ZPBP: variants seen among roughly 807,000 people sequenced by gnomAD.
The protein encoded by ZPBP is zona pellucida-binding protein 1.
A neutral mutation model predicts 44.8 loss-of-function variants in ZPBP; 26 were observed. That is an observed-to-expected ratio of 0.58 (90% confidence interval 0.43 to 0.81). ZPBP has a LOEUF of 0.81. ZPBP is among the 30% of genes least tolerant of loss of function. ZPBP has a pLI of 0.00. For synonymous variants in ZPBP, 174 were observed against 153.2 expected (o/e 1.14, Z -1.00); for missense variants, 409 against 434.0 (o/e 0.94, Z 0.51).
chr7:49,959,652 A>G (rs984952541), intron 7 of ZPBP, among the ~76,000 whole-genome samples: 3 of 152,226 alleles, frequency 2.0e-5, no homozygotes, highest in African/African-American at 7.2e-5. Flanking sequence ...TATTTAGAAG[A>G]CTAAATATAT....
intron 7 of ZPBP, among the ~76,000 whole-genome samples, chr7:49,953,163 C>T (rs1432132624): frequency 6.6e-6 from 1 of 152,066 alleles, no homozygotes; most frequent in African/African-American, 2.4e-5. Context: ...AGCAAAGTCC[C>T]TCAATTAAGG....
intron 6 of ZPBP, among the ~76,000 whole-genome samples, chr7:49,993,176 G>T (rs1271279470): frequency 6.6e-6 from 1 of 152,046 alleles, no homozygotes; most frequent in African/African-American, 2.4e-5. Flanking sequence ...TCAATTAAAA[G>T]AGGAAAATCT....
intron 6 of ZPBP, among the ~76,000 whole-genome samples, chr7:49,996,727 G>A (rs1379379324): frequency 6.6e-6 from 1 of 152,090 alleles, no homozygotes; most frequent in Non-Finnish European, 1.5e-5. Context: ...ATTTGACCTG[G>A]AACTTTTCTA....
At chr7:49,963,177 TTTA>T (rs1389599024) in intron 7 of ZPBP, among the ~76,000 whole-genome samples, 9 of 151,540 alleles carry the variant, frequency 5.9e-5, no homozygotes, top group African/African-American at 2.2e-4. Flanking sequence ...TTTTTTTAAT[TTTA>T]TTATTATTAT....
At chr7:50,089,208 G>A (rs1183062284) in intron 2 of ZPBP, among the ~76,000 whole-genome samples, 1 of 151,980 alleles carries the variant, frequency 6.6e-6, no homozygotes, top group Non-Finnish European at 1.5e-5. Context: ...CACTTTAAAG[G>A]AAGAATTTTA....
chr7:49,885,431 G>A (rs1229602087), intron 2 of ZPBP, among the ~76,000 whole-genome samples: 1 of 151,628 alleles, frequency 6.6e-6, no homozygotes, highest in Admixed American at 6.6e-5. Context: ...AAGAAAATAT[G>A]GGAAAATTGC....
At chr7:50,021,899 C>A (rs1268828382) in intron 5 of ZPBP, among the ~76,000 whole-genome samples, 1 of 151,960 alleles carries the variant, frequency 6.6e-6, no homozygotes, top group Non-Finnish European at 1.5e-5. Context: ...AAATGGGCAA[C>A]CATTTTTTAA....
At chr7:50,044,306 A>C (rs1274096531) in intron 4 of ZPBP, among the ~76,000 whole-genome samples, 1 of 152,072 alleles carries the variant, frequency 6.6e-6, no homozygotes, top group Non-Finnish European at 1.5e-5. Context: ...ACAAGAAATA[A>C]AACTAAGATC....
chr7:50,085,620 T>A (rs994722696), intron 2 of ZPBP, among the ~76,000 whole-genome samples: 1 of 152,080 alleles, frequency 6.6e-6, no homozygotes, highest in African/African-American at 2.4e-5. Context: ...AGACCTCGTA[T>A]TAAAGGCTGC....
At position 49,850,988 on chromosome 7, in the gene ZPBP, A is replaced by G. The variant is rs935801800; in HGVS notation, n.510-474T>C. ...CAACCTGAGAACCTGAGTGGCTTTA[A>G]GGAATGTCAGTTTACTCGTCCGCAA... On this transcript the variant is annotated intron_variant and non_coding_transcript_variant, in intron 2 of 2. Transcript: ENST00000465922. Among the ~76,000 whole-genome samples, 15 of 152,294 alleles carry G rather than the reference A, an allele frequency of 9.8e-5. No individual in the cohort carries two copies. The South Asian group carries it at 2.7e-3, about 27-fold the overall frequency.
At chr7:49,928,640 G>A (rs1311373189) in intron 1 of ZPBP, among the ~76,000 whole-genome samples, 3 of 152,148 alleles carry the variant, frequency 2.0e-5, no homozygotes, top group Admixed American at 6.5e-5. Context: ...TGGCAGGAAC[G>A]GAAACCATGA....
At position 49,961,558 on chromosome 7, in the gene ZPBP, T is replaced by G. The variant is rs529430907; in HGVS notation, c.961+21784A>C. Among the ~76,000 whole-genome samples, 7 of 152,252 alleles carry G rather than the reference T, an allele frequency of 4.6e-5. No individual in the cohort carries two copies. The South Asian group carries it at 1.4e-3, about 32-fold the overall frequency. ...CATGGGTATATACATGTCAAGTCAC[T>G]AAACTGTAAAATTTCAACATGTATA... On this transcript the variant is annotated intron_variant, in intron 7 of 7. Coordinates refer to ENST00000046087, the MANE Select transcript of ZPBP (RefSeq NM_007009.3).
At chr7:49,926,146 G>T (rs1794228741) in intron 1 of ZPBP, among the ~76,000 whole-genome samples, 2 of 152,120 alleles carry the variant, frequency 1.3e-5, no homozygotes, top group African/African-American at 4.8e-5. Flanking sequence ...CATCAATCCT[G>T]GCCAATAGAG....
intron 4 of ZPBP, among the ~76,000 whole-genome samples, chr7:50,041,204 T>C (rs747244760): frequency 3.9e-5 from 6 of 152,140 alleles, no homozygotes; most frequent in Non-Finnish European, 7.4e-5. Context: ...ACAGAGCACC[T>C]GGGGGAAGGG....
chr7:50,084,399 C>T (rs1022031), intron 2 of ZPBP, among the ~76,000 whole-genome samples: 125,020 of 150,572 alleles, frequency 0.83, 51,865 homozygotes, highest in East Asian at 0.88. Flanking sequence ...ACCAAAAAAA[C>T]AGAATAAACT....
intron 7 of ZPBP, 106 bp downstream of exon 7, chr7:49,983,236 A>C (rs1421001835): frequency 3.0e-6 from 3 of 995,644 alleles, no homozygotes; most frequent in Non-Finnish European, 4.5e-6. Flanking sequence ...ACTATGAAAA[A>C]ATACCTAAAT....
chr7:49,857,540 A>T (rs1481504445), intron 2 of ZPBP, among the ~76,000 whole-genome samples: 2 of 152,248 alleles, frequency 1.3e-5, no homozygotes, highest in Non-Finnish European at 2.9e-5. Context: ...CGACAGGTAG[A>T]AGAAAAAGTG....
At chr7:49,866,592 C>G (rs920392402) in intron 2 of ZPBP, among the ~76,000 whole-genome samples, 2 of 152,160 alleles carry the variant, frequency 1.3e-5, no homozygotes, top group Non-Finnish European at 2.9e-5. Flanking sequence ...AGACGGAAAA[C>G]AGCCTCCTTC....
Position 50,048,757 on chromosome 7 carries a change from T to G in ZPBP, c.487+9232A>C, listed in dbSNP as rs186883422. 1.2e-4 allele frequency among the ~76,000 whole-genome samples: 18 copies of G among 152,054 alleles called. No individual in the cohort carries two copies. The South Asian group carries it at 1.2e-3, about 11-fold the overall frequency. ...GAAAGCTCTCACGTAGCCTAATCTTTTATCTTCGGACAATGAAAAAGAAAG... is the reference window on the plus strand; with the variant it reads ...GAAAGCTCTCACGTAGCCTAATCTTGTATCTTCGGACAATGAAAAAGAAAG... On this transcript the variant is annotated intron_variant, in intron 4 of 7. Coordinates refer to ENST00000046087, the MANE Select transcript of ZPBP (RefSeq NM_007009.3).
Sources: gnomAD v4.1 joint callset for allele counts (sites outside exome capture counted in the v4.1 genomes callset) on GRCh38, gnomAD v4.1.1 for gene constraint, MANE v1.5 for transcripts, NCBI Gene and HGNC (gene_info 2026-07-23, HGNC 2026-07-21) for gene names.